The following ANKRD11 variants were observed in gnomAD, a reference collection of about 807,000 sequenced individuals.
ANKRD11 encodes ankyrin repeat domain 11, also known as ankyrin repeat domain-containing protein 11.
ANKRD11 carries 17 observed loss-of-function variants against 195.7 expected under a neutral mutation model. The ratio of observed to expected loss-of-function variants is 0.09; its 90% CI spans 0.06 to 0.13. ANKRD11 has a LOEUF of 0.13. Ranked by LOEUF, ANKRD11 falls within the 10% of genes least tolerant of loss-of-function variation. ANKRD11 has a pLI of 1.00. For synonymous variants in ANKRD11, 1,953 were observed against 1,528.1 expected, an observed-to-expected ratio of 1.28 and a Z score of -6.49; for missense variants, 3,735 against 3,566.1, an observed-to-expected ratio of 1.05 and a Z score of -1.21.
chr16:89,453,306 G>A (rs1436797115), intron 1 of ANKRD11, among the ~76,000 whole-genome samples: 1 of 152,118 alleles, frequency 6.6e-6, no homozygotes, highest in South Asian at 2.1e-4. Flanking sequence ...ATTATTGTTC[G>A]AGGTCAATAA....
chr16:89,434,006 C>A (rs187331142), intron 1 of ANKRD11, among the ~76,000 whole-genome samples: 1 of 152,212 alleles, frequency 6.6e-6, no homozygotes, highest in Admixed American at 6.5e-5. Flanking sequence ...CAGCTCCCAG[C>A]TGGTTACTCT....
In ANKRD11 at chr16:89,281,680, T is replaced by C. The variant is rs867175165; in HGVS notation, c.4862A>G (p.Lys1621Arg). Reference sequence around the variant, plus strand: ...GTCGTCTGCCGGCTTCGCCTTCTCCTTGAGCTTGGGGTCTCCGGACCGGTG... The same window carrying C: ...GTCGTCTGCCGGCTTCGCCTTCTCCCTGAGCTTGGGGTCTCCGGACCGGTG... ...LRHRSGDPKL[K>R]EKAKPADDGR... The change falls in exon 9 of 13, where the codon AAG becomes AGG. Residue 1621 changes from lysine (K) to arginine (R), a missense_variant. Transcript: ENST00000301030. This position sits in a 1 kb window ranked among gnomAD's most constrained non-coding sequence, Gnocchi z 5.5. 1 of 1,614,068 alleles carries C rather than the reference T, an allele frequency of 6.2e-7. No individual in the cohort carries two copies. The highest frequency in any genetic ancestry group is 8.5e-7 in the Non-Finnish European group (1 of 1,180,038).
chr16:89,327,170 C>A (rs1313039568), intron 2 of ANKRD11, among the ~76,000 whole-genome samples: 1 of 152,170 alleles, frequency 6.6e-6, no homozygotes, highest in African/African-American at 2.4e-5. Flanking sequence ...GCTGGCTCAA[C>A]CATCAATCAG....
chr16:89,425,076 C>T (rs1416711500), intron 1 of ANKRD11, among the ~76,000 whole-genome samples: 2 of 147,414 alleles, frequency 1.4e-5, no homozygotes, highest in Non-Finnish European at 3.0e-5. Flanking sequence ...CAAGCTCAAA[C>T]TATTTAAAAA....
At chr16:89,425,639 C>T (rs1050343375) in intron 1 of ANKRD11, among the ~76,000 whole-genome samples, 2 of 152,108 alleles carry the variant, frequency 1.3e-5, no homozygotes, top group Non-Finnish European at 2.9e-5. Context: ...ACAAGGTGGG[C>T]CGGTTATTTC....
At chr16:89,428,524 CA>C (rs1254054282) in intron 1 of ANKRD11, among the ~76,000 whole-genome samples, 1 of 151,404 alleles carries the variant, frequency 6.6e-6, no homozygotes, top group Non-Finnish European at 1.5e-5. Context: ...GACTACATCT[CA>C]AAATGAAAGA....
chr16:89,428,669 A>G (rs1462257208), intron 1 of ANKRD11, among the ~76,000 whole-genome samples: 1 of 151,628 alleles, frequency 6.6e-6, no homozygotes, highest in East Asian at 1.9e-4. Context: ...GCCGAAGTGG[A>G]TGGATCACGA....
chr16:89,344,599 AAGCGTCCGGG>A (rs2038850660), intron 2 of ANKRD11, among the ~76,000 whole-genome samples: 1 of 152,234 alleles, frequency 6.6e-6, no homozygotes. Context: ...CCCACAATGC[AAGCGTCCGGG>A]AGGACACTCC....
chr16:89,304,011 C>T (rs1035407391), intron 4 of ANKRD11, among the ~76,000 whole-genome samples: 4 of 152,236 alleles, frequency 2.6e-5, no homozygotes, highest in African/African-American at 9.6e-5. Flanking sequence ...CAGCACTCTC[C>T]CGGTTCACTC....
rs61442406 is a variant in ANKRD11 at position 89,394,198 on chromosome 16, C to T, written c.-60+24086G>A. The stretch of plus-strand genomic sequence containing the variant: ...CGGGCAGGTGGCAGGAGCCTCTGAC[C>T]TGCTTCCCTCCACGACATGGGCACG... On this transcript the variant is annotated intron_variant, in intron 2 of 12. Transcript: ENST00000301030. Among the ~76,000 whole-genome samples the T allele has an allele frequency of 2.7e-3, 416 of 152,326 alleles. 2 individuals carry two copies. The highest frequency in any genetic ancestry group is 9.4e-3 in the African/African-American group (391 of 41,564).
chr16:89,413,658 A>G (rs2042184117), intron 2 of ANKRD11, among the ~76,000 whole-genome samples: 1 of 152,168 alleles, frequency 6.6e-6, no homozygotes, highest in Non-Finnish European at 1.5e-5. Flanking sequence ...AAGTGAACTC[A>G]CAGTGGCACC....
At chr16:89,276,518 C>T (rs1184870968) in intron 9 of ANKRD11, among the ~76,000 whole-genome samples, 1 of 152,186 alleles carries the variant, frequency 6.6e-6, no homozygotes, top group African/African-American at 2.4e-5. Context: ...CCTATAGGCT[C>T]CTGCCTAAGA....
intron 2 of ANKRD11, among the ~76,000 whole-genome samples, chr16:89,354,243 C>CAAAAAAAAAAAAAAAAAAAAAAAAAAAAA (rs5818711): frequency 7.9e-6 from 1 of 126,240 alleles, no homozygotes. Flanking sequence ...TGCATTCAGC[C>CAAAAAAAAAAAAAAAAAAAAAAAAAAAAA]AAAAAAAAAA....
intron 1 of ANKRD11, among the ~76,000 whole-genome samples, chr16:89,479,809 G>A (rs1386519779): frequency 1.3e-5 from 2 of 150,454 alleles, no homozygotes. Context: ...CGGGGGTGGT[G>A]GCAGGTGCCT....
intron 1 of ANKRD11, among the ~76,000 whole-genome samples, chr16:89,443,601 A>T (rs964490961): frequency 2.6e-5 from 4 of 152,180 alleles, no homozygotes; most frequent in Non-Finnish European, 4.4e-5. Context: ...GCTGCCTGCC[A>T]CGCATGGAAA....
At chr16:89,399,233 T>C (rs2041591862) in intron 2 of ANKRD11, among the ~76,000 whole-genome samples, 10 of 152,170 alleles carry the variant, frequency 6.6e-5, no homozygotes, top group Admixed American at 6.5e-4. Context: ...TGGCTTTGTT[T>C]ATTCTTCATT....
chr16:89,485,844 G>A (rs1597564493), intron 1 of ANKRD11, among the ~76,000 whole-genome samples: 1 of 152,114 alleles, frequency 6.6e-6, no homozygotes, highest in Admixed American at 6.5e-5. Flanking sequence ...GTGACCAGAG[G>A]GGCCTCCGGA....
chr16:89,290,600 C>G (rs1279771581), intron 6 of ANKRD11, 25 bp downstream of exon 6: 1 of 1,608,896 alleles, frequency 6.2e-7, no homozygotes, highest in South Asian at 1.1e-5. Flanking sequence ...GGCTCTCTGG[C>G]CCTTGCCAGG....
At chr16:89,374,328 G>T (rs1224854944) in intron 2 of ANKRD11, among the ~76,000 whole-genome samples, 1 of 149,438 alleles carries the variant, frequency 6.7e-6, no homozygotes. Flanking sequence ...GGCTCACCAT[G>T]TGTTTTTGTA....
Sources: allele counts gnomAD v4.1 joint callset (sites outside exome capture counted in the v4.1 genomes callset), GRCh38; gene constraint gnomAD v4.1.1; non-coding constraint Gnocchi (gnomAD v3.1); transcripts MANE v1.5; gene names NCBI Gene and HGNC (gene_info 2026-07-23, HGNC 2026-07-21).